GALNT17: variants seen among roughly 807,000 people sequenced by gnomAD.
GALNT17 encodes the protein polypeptide N-acetylgalactosaminyltransferase 17.
GALNT17 carries 29 observed loss-of-function variants against 63.7 expected under a neutral mutation model. The ratio of observed to expected loss-of-function variants is 0.46; its 90% CI spans 0.34 to 0.62. The LOEUF is 0.62. Ranked by LOEUF, GALNT17 falls within the 20% of genes least tolerant of loss-of-function variation. The probability of loss-of-function intolerance (pLI) is 0.01; values close to 1 mark genes in which losing one functional copy is unlikely to be tolerated. For missense variants in GALNT17, 603 were observed against 799.6 expected, an observed-to-expected ratio of 0.75 and a Z score of 2.97; for synonymous variants, 305 against 318.3, an observed-to-expected ratio of 0.96 and a Z score of 0.45.
chr7:71,254,673 C>T (rs1486153449), intron 1 of GALNT17, among the ~76,000 whole-genome samples: 1 of 152,056 alleles, frequency 6.6e-6, no homozygotes, highest in Non-Finnish European at 1.5e-5. Flanking sequence ...TTGGAATGCC[C>T]TTGGCCAAGA....
chr7:71,175,671 A>G (rs972203240), intron 1 of GALNT17, among the ~76,000 whole-genome samples: 24 of 152,206 alleles, frequency 1.6e-4, no homozygotes, highest in African/African-American at 5.3e-4. Context: ...TGGAGGGCTC[A>G]GAGATATTTG....
At chr7:71,363,453 C>A (rs145807910) in intron 2 of GALNT17, among the ~76,000 whole-genome samples, 3 of 152,336 alleles carry the variant, frequency 2.0e-5, no homozygotes, top group African/African-American at 4.8e-5. Flanking sequence ...GTGAGACCAG[C>A]AGCCAATGCC....
chr7:71,273,220 T>C (rs891527000), intron 1 of GALNT17, among the ~76,000 whole-genome samples: 4 of 152,220 alleles, frequency 2.6e-5, no homozygotes, highest in African/African-American at 9.6e-5. Flanking sequence ...CCCCTTGTAA[T>C]CACTCACCTC....
rs574589950 is a variant in GALNT17 at position 71,522,768 on chromosome 7, T to C, written c.963-48517T>C. Reference sequence around the variant, plus strand: ...GTGGCAACAGAAACTGGATCTCTTATCTGATGGAATCCAGTTTCACCTGGG... The same window carrying C: ...GTGGCAACAGAAACTGGATCTCTTACCTGATGGAATCCAGTTTCACCTGGG... On this transcript the variant is annotated intron_variant, in intron 5 of 10. Transcript: ENST00000333538. 2.0e-5 allele frequency among the ~76,000 whole-genome samples: 3 copies of C among 152,316 alleles called. No individual in the cohort carries two copies. In the South Asian group the frequency reaches 6.2e-4, roughly 32 times the overall value.
Position 71,677,269 on chromosome 7 carries a change from C to T in GALNT17, c.1463C>T (p.Thr488Ile). The T allele has an allele frequency of 6.2e-7, 1 of 1,614,034 alleles. No homozygotes were observed. The highest frequency in any genetic ancestry group is 8.5e-7 in the Non-Finnish European group (1 of 1,179,978). Residue 488 changes from threonine to isoleucine, a missense_variant, in exon 9 of 11, where the codon ACA (threonine) becomes ATA (isoleucine). Coordinates refer to ENST00000333538, the MANE Select transcript of GALNT17 (RefSeq NM_022479.3). ...CLDQGPLENH[T>I]AILYPCHGWG... ...GACCAGGGGCCGCTGGAGAACCACA[C>T]AGCAATATTGTATCCGTGCCATGGC...
chr7:71,311,570 A>G (rs903970009), intron 1 of GALNT17, among the ~76,000 whole-genome samples: 6 of 152,204 alleles, frequency 3.9e-5, no homozygotes, highest in African/African-American at 1.4e-4. Flanking sequence ...TTAAAAATTG[A>G]AAAAGCTGTG....
chr7:71,238,634 G>T (rs1447496181), intron 1 of GALNT17, among the ~76,000 whole-genome samples: 1 of 152,144 alleles, frequency 6.6e-6, no homozygotes, highest in Non-Finnish European at 1.5e-5. Context: ...GTGTGTTCTG[G>T]CTTCCAAGTG....
chr7:71,624,624 A>T (rs959492186), intron 6 of GALNT17, among the ~76,000 whole-genome samples: 6 of 152,216 alleles, frequency 3.9e-5, no homozygotes, highest in Non-Finnish European at 8.8e-5. Flanking sequence ...GGATGACCCC[A>T]AAGAGCTTTT....
intron 5 of GALNT17, among the ~76,000 whole-genome samples, chr7:71,542,252 G>C (rs1374256707): frequency 1.3e-5 from 2 of 152,008 alleles, no homozygotes; most frequent in African/African-American, 4.8e-5. Context: ...TAATTAAACA[G>C]AACACTTCTA....
At chr7:71,576,138 C>T (rs1333161768) in intron 6 of GALNT17, among the ~76,000 whole-genome samples, 3 of 152,166 alleles carry the variant, frequency 2.0e-5, no homozygotes, top group Admixed American at 2.0e-4. Flanking sequence ...AAGGCATTCT[C>T]TTCTTCTGTT....
intron 6 of GALNT17, among the ~76,000 whole-genome samples, chr7:71,657,849 TATGGATGGATGG>T (rs56699781): frequency 0.02 from 2,490 of 125,114 alleles, 52 homozygotes; most frequent in African/African-American, 0.05. Flanking sequence ...TATTTCATTT[TATGGATGGATGG>T]ATGGATGGAT....
chr7:71,667,613 A>G (rs1562728544), intron 7 of GALNT17, among the ~76,000 whole-genome samples: 1 of 152,156 alleles, frequency 6.6e-6, no homozygotes, highest in Admixed American at 6.6e-5. Context: ...TGCTAGCTTG[A>G]TATGAATGTA....
At chr7:71,330,255 C>T (rs185261046) in intron 1 of GALNT17, among the ~76,000 whole-genome samples, 1 of 152,234 alleles carries the variant, frequency 6.6e-6, no homozygotes, top group African/African-American at 2.4e-5. Flanking sequence ...TCAAGTGATC[C>T]GCCCGCCTTG....
chr7:71,164,987 A>G (rs1788410890), intron 1 of GALNT17, among the ~76,000 whole-genome samples: 1 of 152,236 alleles, frequency 6.6e-6, no homozygotes, highest in Non-Finnish European at 1.5e-5. Flanking sequence ...GAAAGAAATC[A>G]ATAAAATTAA....
intron 7 of GALNT17, among the ~76,000 whole-genome samples, chr7:71,669,620 G>A (rs1184526522): frequency 2.0e-5 from 3 of 148,338 alleles, no homozygotes; most frequent in Non-Finnish European, 4.4e-5. Flanking sequence ...AGAGTGTAGT[G>A]GCATGATCTC....
chr7:71,656,034 C>T (rs1368009331), intron 6 of GALNT17, among the ~76,000 whole-genome samples: 4 of 152,156 alleles, frequency 2.6e-5, no homozygotes, highest in African/African-American at 2.4e-5. Context: ...TGCTTACTCC[C>T]TCCAGCCCCT....
chr7:71,241,476 T>C (rs1789995165), intron 1 of GALNT17, among the ~76,000 whole-genome samples: 1 of 152,218 alleles, frequency 6.6e-6, no homozygotes, highest in Non-Finnish European at 1.5e-5. Flanking sequence ...TAAGGAGATA[T>C]AAACCAAAGA....
At chr7:71,452,161 T>G (rs1338892140) in intron 5 of GALNT17, among the ~76,000 whole-genome samples, 2 of 152,094 alleles carry the variant, frequency 1.3e-5, no homozygotes, top group Non-Finnish European at 2.9e-5. Context: ...GAGGATCACT[T>G]GAGCCCAAGA....
chr7:71,283,728 T>G (rs1790818626), intron 1 of GALNT17, among the ~76,000 whole-genome samples: 1 of 152,106 alleles, frequency 6.6e-6, no homozygotes, highest in Non-Finnish European at 1.5e-5. Context: ...TCTCATGAGA[T>G]CTGATGTTTT....
Sources: allele counts gnomAD v4.1 joint callset (sites outside exome capture counted in the v4.1 genomes callset), GRCh38; gene constraint gnomAD v4.1.1; transcripts MANE v1.5; gene names NCBI Gene and HGNC (gene_info 2026-07-23, HGNC 2026-07-21).